The following SEM1 variants were observed in gnomAD, a reference collection of about 807,000 sequenced individuals.
The protein encoded by SEM1 is 26S proteasome complex subunit SEM1.
A neutral mutation model predicts 12.7 loss-of-function variants in SEM1; 3 were observed. That is an observed-to-expected ratio of 0.24 (90% CI 0.11 to 0.61). SEM1 has a LOEUF of 0.61. SEM1 is among the 20% of genes least tolerant of loss of function. SEM1 has a pLI of 0.88. For synonymous variants in SEM1, 30 were observed against 27.8 expected, an observed-to-expected ratio of 1.08 and a Z score of -0.25; for missense variants, 59 against 81.3, an observed-to-expected ratio of 0.73 and a Z score of 1.06.
intron 2 of SEM1, among the ~76,000 whole-genome samples, chr7:96,666,148 C>A (rs1789164795): frequency 6.6e-6 from 1 of 152,198 alleles, no homozygotes; most frequent in South Asian, 2.1e-4. Flanking sequence ...ACAGCCAAGG[C>A]CGAATCTCTA....
At chr7:96,495,777 T>A (rs1803218796) in intron 1 of SEM1, among the ~76,000 whole-genome samples, 1 of 152,174 alleles carries the variant, frequency 6.6e-6, no homozygotes, top group Non-Finnish European at 1.5e-5. Flanking sequence ...ATACCCCTCG[T>A]GGCTGGTATT....
At chr7:96,584,915 G>A (rs1217198415) in intron 2 of SEM1, among the ~76,000 whole-genome samples, 1 of 151,030 alleles carries the variant, frequency 6.6e-6, no homozygotes, top group Admixed American at 6.6e-5. Flanking sequence ...TGGTTTGAAT[G>A]TCCTCCTGTA....
intron 2 of SEM1, among the ~76,000 whole-genome samples, chr7:96,644,442 T>G (rs1218462630): frequency 6.6e-6 from 1 of 152,100 alleles, no homozygotes; most frequent in African/African-American, 2.4e-5. Flanking sequence ...TTCATAGCAT[T>G]AAAGGGGGAA....
At chr7:96,574,198 T>C (rs944592796) in intron 2 of SEM1, among the ~76,000 whole-genome samples, 3 of 152,164 alleles carry the variant, frequency 2.0e-5, no homozygotes, top group Non-Finnish European at 2.9e-5. Context: ...TGGTTTTTTG[T>C]CCTTGTGATA....
chr7:96,589,879 G>A (rs1806774166), intron 2 of SEM1, among the ~76,000 whole-genome samples: 2 of 152,148 alleles, frequency 1.3e-5, no homozygotes, highest in Non-Finnish European at 2.9e-5. Flanking sequence ...AGTGACTGCA[G>A]ATGACTTGAG....
intron 2 of SEM1, among the ~76,000 whole-genome samples, chr7:96,557,488 C>T (rs1231823798): frequency 2.0e-5 from 2 of 98,218 alleles, no homozygotes; most frequent in African/African-American, 5.6e-5. Flanking sequence ...GGGGTGCCTC[C>T]CAGTTAGGCT....
chr7:96,513,190 A>G (rs1803986855), intron 2 of SEM1, among the ~76,000 whole-genome samples: 1 of 152,066 alleles, frequency 6.6e-6, no homozygotes, highest in African/African-American at 2.4e-5. Context: ...GAACACCCTG[A>G]ACAAGCAAAG....
At chr7:96,587,507 G>A (rs958127419) in intron 2 of SEM1, among the ~76,000 whole-genome samples, 3 of 152,112 alleles carry the variant, frequency 2.0e-5, no homozygotes, top group African/African-American at 7.2e-5. Flanking sequence ...TATTTCCCCA[G>A]TTTTCCACTT....
At chr7:96,490,870 G>T (rs1031919559) in intron 1 of SEM1, among the ~76,000 whole-genome samples, 13 of 152,052 alleles carry the variant, frequency 8.5e-5, no homozygotes, top group Admixed American at 7.2e-4. Context: ...GGTGGTTTAT[G>T]GGGGGTTCTT....
At chr7:96,643,586 A>G (rs1808686713) in intron 2 of SEM1, among the ~76,000 whole-genome samples, 1 of 152,132 alleles carries the variant, frequency 6.6e-6, no homozygotes, top group Non-Finnish European at 1.5e-5. Context: ...CTGGCTAAAG[A>G]AAATGTGACA....
chr7:96,497,006 T>TACAC (rs762508661), upstream of SEM1, among the ~76,000 whole-genome samples: 230 of 95,868 alleles, frequency 2.4e-3, 1 homozygote, highest in African/African-American at 9.6e-3. Flanking sequence ...CACGAGCACG[T>TACAC]ATACACACAC....
At chr7:96,675,851 A>T (rs1789439378) in intron 2 of SEM1, among the ~76,000 whole-genome samples, 1 of 152,202 alleles carries the variant, frequency 6.6e-6, no homozygotes, top group Admixed American at 6.5e-5. Flanking sequence ...AAGCCTCAAT[A>T]GACTTTAAGG....
At chr7:96,632,192 T>C (rs1458001080) in intron 2 of SEM1, among the ~76,000 whole-genome samples, 2 of 152,144 alleles carry the variant, frequency 1.3e-5, no homozygotes, top group African/African-American at 4.8e-5. Flanking sequence ...GACCCAGCAA[T>C]CCCATTACTG....
chr7:96,631,506 TG>T (rs35319958), intron 2 of SEM1, among the ~76,000 whole-genome samples: 16,387 of 152,076 alleles, frequency 0.11, 1,111 homozygotes, highest in East Asian at 0.15. Context: ...GGAGGGGTGG[TG>T]TCGGTGATTC....
At chr7:96,582,007 T>C (rs1476025108) in intron 2 of SEM1, among the ~76,000 whole-genome samples, 1 of 147,118 alleles carries the variant, frequency 6.8e-6, no homozygotes, top group Non-Finnish European at 1.5e-5. Context: ...TCCAACACTA[T>C]GTTGAATAGG....
At chr7:96,596,925 A>G (rs1455761822) in intron 2 of SEM1, among the ~76,000 whole-genome samples, 1 of 152,204 alleles carries the variant, frequency 6.6e-6, no homozygotes, top group African/African-American at 2.4e-5. Context: ...CATTCCCCAG[A>G]TATCAGAGGC....
chr7:96,532,621 C>T (rs983913147), intron 2 of SEM1, among the ~76,000 whole-genome samples: 8 of 152,098 alleles, frequency 5.3e-5, no homozygotes, highest in Admixed American at 5.2e-4. Context: ...CTTGCACCTG[C>T]ATGAGGCTGT....
At chr7:96,645,062 T>C in intron 2 of SEM1, among the ~76,000 whole-genome samples, 1 of 152,180 alleles carries the variant, frequency 6.6e-6, no homozygotes, top group East Asian at 1.9e-4. Context: ...TGGTACATAT[T>C]CTTTCTGTTT....
rs1809219563 is a variant in SEM1 at position 96,657,545 on chromosome 7, T to C, written c.171-34902A>G. On this transcript the variant is annotated intron_variant, in intron 2 of 2. Coordinates refer to the SEM1 transcript ENST00000417009. ...TCTCAGCAGTGTGGCTATTCCCAGC[T>C]TCACCTCTCACTGGTGAAATCCAAC... Among the ~76,000 whole-genome samples the C allele has an allele frequency of 3.9e-5, 6 of 152,120 alleles. No individual in the cohort carries two copies. The South Asian group carries it at 1.2e-3, about 32-fold the overall frequency.
Sources: gnomAD v4.1 joint callset for allele counts (sites outside exome capture counted in the v4.1 genomes callset) on GRCh38, gnomAD v4.1.1 for gene constraint, MANE v1.5 for transcripts, NCBI Gene and HGNC (gene_info 2026-07-23, HGNC 2026-07-21) for gene names.